CLCN4: variants seen among roughly 807,000 people sequenced by gnomAD.
CLCN4 encodes the protein Cl-/H+ antiporter 4.
CLCN4 carries 1 observed loss-of-function variant against 41.7 expected under a neutral mutation model. That is an observed-to-expected ratio of 0.02 (90% confidence interval 0.01 to 0.11). The LOEUF (loss-of-function observed/expected upper bound fraction) is 0.11. Ranked by LOEUF, CLCN4 falls within the 10% of genes least tolerant of loss-of-function variation. The pLI is 1.00. For missense variants in CLCN4, 287 were observed against 661.0 expected (o/e 0.43, Z 6.20); for synonymous variants, 277 against 285.8 (o/e 0.97, Z 0.31).
At chrX:10,204,845 A>G (rs1268867291) in intron 6 of CLCN4, among the ~76,000 whole-genome samples, 3 of 109,509 alleles carry the variant, frequency 2.7e-5, no homozygotes, top group African/African-American at 9.9e-5. Flanking sequence ...GACATATAAG[A>G]CAGATCAACA....
chrX:10,174,768 G>A (rs1384753050), intron 2 of CLCN4, among the ~76,000 whole-genome samples: 1 of 111,752 alleles, frequency 8.9e-6, no homozygotes, highest in African/African-American at 3.3e-5. Flanking sequence ...GGAACACTGT[G>A]TCATCATGCC....
chrX:10,176,637 G>A (rs776277965), intron 2 of CLCN4, among the ~76,000 whole-genome samples: 6 of 111,912 alleles, frequency 5.4e-5, no homozygotes, highest in Non-Finnish European at 1.1e-4. Context: ...GGACCCTGCC[G>A]GGACTTGCCT....
intron 12 of CLCN4, among the ~76,000 whole-genome samples, chrX:10,230,798 G>A (rs1288715732): frequency 1.8e-5 from 2 of 111,952 alleles, no homozygotes; most frequent in Non-Finnish European, 3.8e-5. Flanking sequence ...TCAATATCTT[G>A]CATTACTGTT....
chrX:10,166,933 C>T (rs1295001174), intron 2 of CLCN4, among the ~76,000 whole-genome samples: 2 of 111,662 alleles, frequency 1.8e-5, no homozygotes, highest in African/African-American at 6.5e-5. Context: ...CAACGTGGAA[C>T]GAATGGCTGC....
Position 10,233,785 on chromosome X carries a change from C to T in CLCN4, c.*201C>T. 2.5e-6 allele frequency: 1 copy of T among 400,742 alleles called. No individual in the cohort carries two copies. The highest frequency in any genetic ancestry group is 4.4e-6 in the Non-Finnish European group (1 of 226,170). The allele number at this position is 400,742 out of a possible 1,213,427, so 33.0% of individuals were successfully genotyped here. ...GAGTAGGCATTTTATAGCTTTAACCCCGTATGAGTTTCAAGCTGTGTTTCC... is the reference window on the plus strand; with the variant it reads ...GAGTAGGCATTTTATAGCTTTAACCTCGTATGAGTTTCAAGCTGTGTTTCC... On this transcript the variant is annotated 3_prime_UTR_variant, in exon 13 of 13. Transcript: ENST00000380833.
In CLCN4 at chrX:10,236,146, G is replaced by T. The variant is rs1925244485; in HGVS notation, c.*2562G>T. 8.9e-6 allele frequency: 1 copy of T among 112,019 alleles called. No individual in the cohort carries two copies. Among genetic ancestry groups the T allele is most frequent in the Non-Finnish European group, 1.9e-5 (1 of 53,265 alleles). 9.2% of individuals were successfully genotyped at this position (112,019 alleles called of 1,213,427 possible). On this transcript the variant is annotated 3_prime_UTR_variant, in exon 13 of 13. Coordinates refer to ENST00000380833, the MANE Select transcript of CLCN4 (RefSeq NM_001830.4). Reference sequence around the variant, plus strand: ...TGGCTTCAAAAGGGAACATGAAACAGTGAAAAGATAGCCAAAGGTCAGTGA... The same window carrying T: ...TGGCTTCAAAAGGGAACATGAAACATTGAAAAGATAGCCAAAGGTCAGTGA...
intron 12 of CLCN4, among the ~76,000 whole-genome samples, chrX:10,224,822 TGTAA>T (rs750657257): frequency 1.8e-5 from 2 of 112,060 alleles, no homozygotes; most frequent in Non-Finnish European, 3.8e-5. Flanking sequence ...AGCTCCCACT[TGTAA>T]GTGAGAACAT....
chrX:10,198,746 G>T (rs1038602762), intron 6 of CLCN4, among the ~76,000 whole-genome samples: 4 of 112,365 alleles, frequency 3.6e-5, no homozygotes, highest in Non-Finnish European at 7.5e-5. Context: ...GACCTACTGG[G>T]CAGAATCATG....
rs758694004 is a variant in CLCN4 at position 10,205,472 on chromosome X, CA to C, written c.556-868del. ...TGGGCAACAGTGCAAGACTCCATCT[CA>C]AAAAAAAAAAAAAAAAAGAAAAAGA... is the stretch of plus-strand genomic sequence containing the variant. On this transcript the variant is annotated intron_variant, in intron 6 of 12. Transcript: ENST00000380833. Among the ~76,000 whole-genome samples the C allele has an allele frequency of 7.3e-3, 387 of 52,981 alleles. 3 individuals are homozygous for C. Among genetic ancestry groups the C allele is most frequent in the African/African-American group, 0.023 (335 of 14,341 alleles). 46.0% of individuals were successfully genotyped at this position (52,981 alleles called of 115,157 possible).
rs752062725 is a variant in CLCN4, at chrX:10,199,042, C to T, written c.555+981C>T. 2.7e-5 allele frequency among the ~76,000 whole-genome samples: 3 copies of T among 112,373 alleles called. No individual in the cohort carries two copies. In the East Asian group the frequency reaches 8.3e-4, roughly 31 times the overall value. On this transcript the variant is annotated intron_variant, in intron 6 of 12. Coordinates refer to ENST00000380833, the MANE Select transcript of CLCN4 (RefSeq NM_001830.4). Reference sequence around the variant, plus strand: ...AAAGACAATCAGAGGCAAAATTCAACATGGTCTTGTTTCAGGAAAGATAGA... The same window carrying T: ...AAAGACAATCAGAGGCAAAATTCAATATGGTCTTGTTTCAGGAAAGATAGA...
At position 10,197,907 on chromosome X, in the gene CLCN4, G is replaced by A. The variant is rs766534282; in HGVS notation, c.433-32G>A. Reference sequence around the variant, plus strand: ...GTTGCTCAGGTCAGCTGTGGCTAATGTTTCCTTTTGTGTTTTGTGTCTGTT... The same window carrying A: ...GTTGCTCAGGTCAGCTGTGGCTAATATTTCCTTTTGTGTTTTGTGTCTGTT... On this transcript the variant is annotated intron_variant, in intron 5 of 12. Coordinates refer to ENST00000380833, the MANE Select transcript of CLCN4 (RefSeq NM_001830.4). 29 of 1,206,020 alleles carry A rather than the reference G, an allele frequency of 2.4e-5. No homozygotes were observed. The South Asian group carries it at 4.8e-4, about 20-fold the overall frequency.
chrX:10,159,471 G>A lies in CLCN4; in HGVS notation c.-12+920G>A, dbSNP rs1380142178. Among the ~76,000 whole-genome samples, 13 of 110,576 alleles carry A rather than the reference G, an allele frequency of 1.2e-4. No homozygotes were observed. In the Admixed American group the frequency reaches 1.3e-3, roughly 11 times the overall value. On this transcript the variant is annotated intron_variant, in intron 2 of 12. Transcript: ENST00000380833. The stretch of plus-strand genomic sequence containing the variant: ...AGAGCGTTTACATGCCTTTCTCGGG[G>A]TCAGGAAGAAACTACAGCCAGGACG...
At chrX:10,222,811 C>G (rs1924894177) in intron 12 of CLCN4, among the ~76,000 whole-genome samples, 1 of 111,848 alleles carries the variant, frequency 8.9e-6, no homozygotes, top group African/African-American at 3.3e-5. Flanking sequence ...GCAGATTTAC[C>G]CAGAGAACTC....
At chrX:10,176,321 T>A (rs1334037247) in intron 2 of CLCN4, among the ~76,000 whole-genome samples, 3 of 112,499 alleles carry the variant, frequency 2.7e-5, no homozygotes, top group African/African-American at 9.7e-5. Context: ...ATCCAGCCTG[T>A]TCCTGTTTTT....
chrX:10,206,375 C>T lies in CLCN4; in HGVS notation c.573C>T (p.Ser191=), dbSNP rs759278206. ...SGIPEIKTIL[S]GFIIRGYLGK... ...TGTTTCAGATAAAGACCATTTTGAG[C>T]GGCTTTATCATCAGGGGCTACTTGG... The change falls in exon 7 of 13, where the codon AGC becomes AGT. Residue 191 remains serine (S), a synonymous_variant. Coordinates refer to ENST00000380833, the MANE Select transcript of CLCN4 (RefSeq NM_001830.4). 12 of 1,205,449 alleles carry T rather than the reference C, an allele frequency of 1.0e-5. No individual in the cohort carries two copies. Among genetic ancestry groups the T allele is most frequent in the African/African-American group, 3.5e-5 (2 of 57,015 alleles).
intron 2 of CLCN4, among the ~76,000 whole-genome samples, chrX:10,168,833 A>T (rs1385201305): frequency 9.1e-6 from 1 of 109,620 alleles, no homozygotes; most frequent in Non-Finnish European, 1.9e-5. Flanking sequence ...TTGGAACTTT[A>T]TAGGGATGGA....
intron 4 of CLCN4, among the ~76,000 whole-genome samples, chrX:10,190,114 G>A (rs758406347): frequency 9.8e-5 from 11 of 111,721 alleles, no homozygotes; most frequent in South Asian, 3.7e-4. Flanking sequence ...ATCAGAGGGC[G>A]TAAGTTTCAG....
At chrX:10,175,130 G>A (rs765210498) in intron 2 of CLCN4, among the ~76,000 whole-genome samples, 7 of 111,717 alleles carry the variant, frequency 6.3e-5, no homozygotes. Context: ...GTCAGAGAGG[G>A]AATTACCTTG....
intron 1 of CLCN4, 38 bp from the exon 2 acceptor site, chrX:10,158,251 T>C (rs1923000380): frequency 3.5e-6 from 1 of 288,703 alleles, no homozygotes; most frequent in Admixed American, 6.2e-5. Context: ...TTTGGATTTC[T>C]CCTCCTGTGT....
Sources: allele counts gnomAD v4.1 joint callset (sites outside exome capture counted in the v4.1 genomes callset), GRCh38; gene constraint gnomAD v4.1.1; transcripts MANE v1.5; gene names NCBI Gene and HGNC (gene_info 2026-07-23, HGNC 2026-07-21).